The following MAPDA variants were observed in gnomAD, a reference collection of about 807,000 sequenced individuals.
The protein encoded by MAPDA is N6,N6-dimethyl-AMP deaminase.
At chr15:43,333,765 TTG>T in the MAPDA span, among the ~76,000 whole-genome samples, 1 of 152,256 alleles carries the variant, frequency 6.6e-6, no homozygotes, top group Non-Finnish European at 1.5e-5. Context: ...TTAAAAGCGC[TTG>T]TCACATACCT....
chr15:43,338,002 A>G, the MAPDA span, among the ~76,000 whole-genome samples: 5 of 152,258 alleles, frequency 3.3e-5, no homozygotes, highest in Admixed American at 3.3e-4. Context: ...ATACCATTGA[A>G]CATAGCTAAG....
At chr15:43,335,699 C>T in the MAPDA span, 3 of 1,606,688 alleles carry the variant, frequency 1.9e-6, no homozygotes, top group Non-Finnish European at 2.5e-6. Flanking sequence ...CTCTTAGGAA[C>T]TTCATGCCCA....
At chr15:43,343,122 T>G in the MAPDA span, 1 of 1,351,260 alleles carries the variant, frequency 7.4e-7, no homozygotes, top group Non-Finnish European at 1.0e-6. Flanking sequence ...AACCAGAATG[T>G]GAATTTTTAC....
the MAPDA span, chr15:43,352,093 C>G: frequency 1.4e-6 from 1 of 701,304 alleles, no homozygotes; most frequent in East Asian, 2.9e-5. Context: ...GGCAGGTACT[C>G]AGTAAATACG....
the MAPDA span, among the ~76,000 whole-genome samples, chr15:43,331,488 T>A: frequency 6.6e-6 from 1 of 152,188 alleles, no homozygotes; most frequent in East Asian, 1.9e-4. Flanking sequence ...GAAAAGGAAA[T>A]CAGATAACTT....
the MAPDA span, chr15:43,351,571 C>CT: frequency 1.7e-6 from 1 of 595,140 alleles, no homozygotes; most frequent in Non-Finnish European, 2.8e-6. Flanking sequence ...GCTCTGGTAT[C>CT]TTTTCTTAAG....
chr15:43,330,479 C>T, the MAPDA span: 29 of 1,520,796 alleles, frequency 1.9e-5, no homozygotes, highest in Admixed American at 3.0e-4. Flanking sequence ...CTCACGGCTC[C>T]GGGGGCCCAT....
At chr15:43,349,118 A>T in the MAPDA span, 1 of 1,605,682 alleles carries the variant, frequency 6.2e-7, no homozygotes, top group Non-Finnish European at 8.5e-7. Flanking sequence ...CCTGGGGATT[A>T]CAGAGAAGTA....
the MAPDA span, among the ~76,000 whole-genome samples, chr15:43,348,437 C>T: frequency 6.6e-6 from 1 of 151,902 alleles, no homozygotes; most frequent in East Asian, 1.9e-4. Flanking sequence ...AATTAAAAGC[C>T]CAATTTCTAT....
the MAPDA span, chr15:43,351,255 G>T: frequency 2.0e-6 from 1 of 509,058 alleles, no homozygotes; most frequent in Non-Finnish European, 3.5e-6. Context: ...GAACCCAGGA[G>T]GAGGAGGTTG....
At chr15:43,349,576 T>A in the MAPDA span, among the ~76,000 whole-genome samples, 1 of 152,150 alleles carries the variant, frequency 6.6e-6, no homozygotes, top group Non-Finnish European at 1.5e-5. Context: ...TAAACAAATA[T>A]ACAAGAAAGT....
the MAPDA span, among the ~76,000 whole-genome samples, chr15:43,345,210 C>T: frequency 4.6e-5 from 7 of 151,856 alleles, no homozygotes; most frequent in African/African-American, 9.7e-5. Flanking sequence ...AAAAATTAGC[C>T]GGGCGTGGTG....
At chr15:43,330,463 C>T in the MAPDA span, 1 of 1,526,172 alleles carries the variant, frequency 6.6e-7, no homozygotes, top group Non-Finnish European at 8.8e-7. Flanking sequence ...CCGCGCCTGC[C>T]CGACGCTCAC....
the MAPDA span, among the ~76,000 whole-genome samples, chr15:43,342,311 A>G: frequency 6.6e-6 from 1 of 152,066 alleles, no homozygotes; most frequent in Non-Finnish European, 1.5e-5. Context: ...ATCCCCTCAG[A>G]GAGCAGAGCA....
At chr15:43,335,942 G>T in the MAPDA span, 2 of 1,289,412 alleles carry the variant, frequency 1.6e-6, no homozygotes, top group Non-Finnish European at 2.1e-6. Context: ...GGCATGTGGT[G>T]TGGAGCATAT....
chr15:43,349,218 A>G, the MAPDA span: 4 of 1,415,256 alleles, frequency 2.8e-6, no homozygotes, highest in South Asian at 1.7e-5. Context: ...TTTAGCTTCC[A>G]TTAGAATATA....
chr15:43,340,339 A>T, the MAPDA span: 2 of 1,613,538 alleles, frequency 1.2e-6, no homozygotes, highest in Non-Finnish European at 1.7e-6. Context: ...CACCCAGAAG[A>T]GAAAATGCTA....
chr15:43,346,192 A>C, the MAPDA span, among the ~76,000 whole-genome samples: 1 of 152,194 alleles, frequency 6.6e-6, no homozygotes, highest in Non-Finnish European at 1.5e-5. Context: ...AAAAGAAAAA[A>C]AAAGAGTTGC....
At chr15:43,343,389 A>G in the MAPDA span, among the ~76,000 whole-genome samples, 1 of 152,186 alleles carries the variant, frequency 6.6e-6, no homozygotes, top group South Asian at 2.1e-4. Context: ...CAGCTCATCT[A>G]GACCACTCCT....
Sources: gnomAD v4.1 joint callset for allele counts (sites outside exome capture counted in the v4.1 genomes callset) on GRCh38, gnomAD v4.1.1 for gene constraint, MANE v1.5 for transcripts, NCBI Gene and HGNC (gene_info 2026-07-23, HGNC 2026-07-21) for gene names.